SHROOM3: variants seen among roughly 807,000 people sequenced by gnomAD.
SHROOM3 encodes the protein protein Shroom3.
Under a neutral mutation model 138.6 loss-of-function variants are expected in SHROOM3, and 47 were observed. That is an observed-to-expected ratio of 0.34 (90% CI 0.27 to 0.43). The LOEUF (loss-of-function observed/expected upper bound fraction) is 0.43, where lower values mean the gene tolerates loss of function less well. Ranked by LOEUF, SHROOM3 falls within the 20% of genes least tolerant of loss-of-function variation. The pLI, the probability that SHROOM3 is intolerant of heterozygous loss-of-function variation, is 1.00. For synonymous variants in SHROOM3, 1,062 were observed against 1,063.3 expected, an observed-to-expected ratio of 1.00 and a Z score of 0.02; for missense variants, 2,491 against 2,596.5, an observed-to-expected ratio of 0.96 and a Z score of 0.88.
chr4:76,489,055 A>G (rs1441692413), intron 1 of SHROOM3, among the ~76,000 whole-genome samples: 4 of 152,206 alleles, frequency 2.6e-5, no homozygotes, highest in Admixed American at 2.0e-4. Flanking sequence ...TGGAGGAAGC[A>G]GGCAGGGCAG....
At chr4:76,775,741 CTA>C (rs151230134) in intron 10 of SHROOM3, among the ~76,000 whole-genome samples, 1,672 of 150,572 alleles carry the variant, frequency 0.011, 23 homozygotes, top group African/African-American at 0.034. Context: ...TATACACATA[CTA>C]TATATATACA....
chr4:76,589,200 G>A (rs1298575315), intron 2 of SHROOM3, among the ~76,000 whole-genome samples: 2 of 152,248 alleles, frequency 1.3e-5, no homozygotes, highest in Non-Finnish European at 2.9e-5. Flanking sequence ...GGGTGCGGTG[G>A]CTGACGCCTG....
chr4:76,749,303 G>C (rs961096856), intron 6 of SHROOM3, among the ~76,000 whole-genome samples: 1 of 152,110 alleles, frequency 6.6e-6, no homozygotes, highest in Non-Finnish European at 1.5e-5. Flanking sequence ...TGTTACATAT[G>C]TATACATGTG....
chr4:76,624,641 G>T lies in SHROOM3; in HGVS notation c.323+68878G>T, dbSNP rs1577927434. Reference sequence around the variant, plus strand: ...CGTTTTTAAAAAGAGTGGTTATCGTGGTGTTTTTAAAGTGGGACTGTGCCT... The same window carrying T: ...CGTTTTTAAAAAGAGTGGTTATCGTTGTGTTTTTAAAGTGGGACTGTGCCT... On this transcript the variant is annotated intron_variant, in intron 2 of 10. Coordinates refer to ENST00000296043, the MANE Select transcript of SHROOM3 (RefSeq NM_020859.4). Among the ~76,000 whole-genome samples, 4 of 152,182 alleles carry T rather than the reference G, an allele frequency of 2.6e-5. No homozygotes were observed. In the Middle Eastern group the frequency reaches 0.01, roughly 388 times the overall value.
chr4:76,548,497 TG>T lies in SHROOM3; in HGVS notation c.169-7111del, dbSNP rs376359237. Among the ~76,000 whole-genome samples, 49 of 152,342 alleles carry T rather than the reference TG, an allele frequency of 3.2e-4. 1 individual carries two copies. Among genetic ancestry groups the T allele is most frequent in the African/African-American group, 9.9e-4 (41 of 41,578 alleles). ...TGTGCCTCAAAGCACCACGTCAAGC[TG>T]TGACATAGGCATCCACCACTCTTCC... is the stretch of plus-strand genomic sequence containing the variant. On this transcript the variant is annotated intron_variant, in intron 1 of 10. Coordinates refer to ENST00000296043, the MANE Select transcript of SHROOM3 (RefSeq NM_020859.4).
chr4:76,515,098 C>T (rs1319188306), intron 1 of SHROOM3, among the ~76,000 whole-genome samples: 1 of 151,880 alleles, frequency 6.6e-6, no homozygotes, highest in Non-Finnish European at 1.5e-5. Flanking sequence ...GCCTGTAATC[C>T]CAGCTACTTG....
At chr4:76,772,103 C>CTTT (rs35590411) in intron 10 of SHROOM3, among the ~76,000 whole-genome samples, 2 of 125,138 alleles carry the variant, frequency 1.6e-5, no homozygotes, top group Non-Finnish European at 3.3e-5. Context: ...TTTTCTTTTT[C>CTTT]TTTTTTTTTT....
At chr4:76,504,607 T>C (rs544625630) in intron 1 of SHROOM3, among the ~76,000 whole-genome samples, 2 of 152,384 alleles carry the variant, frequency 1.3e-5, no homozygotes, top group Admixed American at 1.3e-4. Context: ...CTTTTAAATA[T>C]AGATTGCCCT....
Position 76,524,438 on chromosome 4 carries a change from G to T in SHROOM3, c.169-31171G>T, listed in dbSNP as rs531232882. Among the ~76,000 whole-genome samples the T allele has an allele frequency of 2.6e-5, 4 of 152,350 alleles. No homozygotes were observed. The South Asian group carries it at 8.3e-4, about 32-fold the overall frequency. ...GGAAGACTGACTGGGGTGGACAGGA[G>T]AAAGGAAGAGAGTGAGCCCAAAGGA... On this transcript the variant is annotated intron_variant, in intron 1 of 10. Transcript: ENST00000296043.
chr4:76,736,038 T>C (rs1038713410), intron 4 of SHROOM3, among the ~76,000 whole-genome samples: 17 of 151,586 alleles, frequency 1.1e-4, no homozygotes, highest in African/African-American at 3.9e-4. Context: ...TTCTCAGCAG[T>C]TGGGAGGAGG....
At chr4:76,723,707 C>G (rs973838) in intron 3 of SHROOM3, among the ~76,000 whole-genome samples, 19,751 of 152,178 alleles carry the variant, frequency 0.13, 1,555 homozygotes, top group East Asian at 0.21. Context: ...CTGCTCACTA[C>G]ATTTGTGACA....
At chr4:76,700,652 A>G (rs920518923) in intron 2 of SHROOM3, among the ~76,000 whole-genome samples, 1 of 152,130 alleles carries the variant, frequency 6.6e-6, no homozygotes, top group Non-Finnish European at 1.5e-5. Flanking sequence ...GCCTAATCCA[A>G]TGTGTGGCCT....
chr4:76,610,540 G>A (rs867916399), intron 2 of SHROOM3, among the ~76,000 whole-genome samples: 21 of 152,192 alleles, frequency 1.4e-4, no homozygotes, highest in African/African-American at 2.4e-4. Flanking sequence ...GCATCCCCTC[G>A]TCTTCCGCTG....
At chr4:76,539,229 A>C (rs148927093) in intron 1 of SHROOM3, among the ~76,000 whole-genome samples, 1 of 152,308 alleles carries the variant, frequency 6.6e-6, no homozygotes, top group East Asian at 1.9e-4. Flanking sequence ...CAGAGATGTT[A>C]GTTCTCTTTC....
chr4:76,608,559 GCATAGCATAGCATAGCATAGCA>G (rs1734674514), intron 2 of SHROOM3, among the ~76,000 whole-genome samples: 1 of 102,488 alleles, frequency 9.8e-6, no homozygotes, highest in South Asian at 3.7e-4. Flanking sequence ...GCATAGCATA[GCATAGCATAGCATAGCATAGCA>G]TAGCATAGCA....
In SHROOM3 at chr4:76,731,221, G is replaced by A. The variant is rs907543608; in HGVS notation, c.587+286G>A. On this transcript the variant is annotated intron_variant, in intron 4 of 10. Coordinates refer to ENST00000296043, the MANE Select transcript of SHROOM3 (RefSeq NM_020859.4). ...ATTCTCAGACATTTCTCCACTGATA[G>A]CACTATATTAGAAAAATTGAGATTT... is the stretch of plus-strand genomic sequence containing the variant. Among the ~76,000 whole-genome samples the A allele has an allele frequency of 5.3e-4, 80 of 152,138 alleles. 3 individuals carry two copies. The highest frequency in any genetic ancestry group is 1.5e-5 in the Non-Finnish European group (1 of 68,018).
Position 76,703,271 on chromosome 4 carries a change from A to G in SHROOM3, c.324-6885A>G, listed in dbSNP as rs1719953785. On this transcript the variant is annotated intron_variant, in intron 2 of 10. Transcript: ENST00000296043. ...AAACACTAGATAGGATACAGGCCTG[A>G]GGGCATGCAGAGGGAGCTTCCTAGA... 2.6e-5 allele frequency among the ~76,000 whole-genome samples: 4 copies of G among 152,174 alleles called. No homozygotes were observed. In the South Asian group the frequency reaches 8.3e-4, roughly 32 times the overall value.
rs529335127 is a variant in SHROOM3, at chr4:76,610,747, G to A, written c.323+54984G>A. 7.9e-4 allele frequency among the ~76,000 whole-genome samples: 121 copies of A among 152,214 alleles called. 1 individual carries two copies. Among genetic ancestry groups the A allele is most frequent in the Middle Eastern group, 3.4e-3 (1 of 294 alleles). On this transcript the variant is annotated intron_variant, in intron 2 of 10. Transcript: ENST00000296043. ...GGCATCCGTGTAGAGGGATCCTGCC[G>A]TTACCCCTCTCCAGATCTTAAGGTT...
At chr4:76,554,249 C>T (rs1166223571) in intron 1 of SHROOM3, among the ~76,000 whole-genome samples, 1 of 151,840 alleles carries the variant, frequency 6.6e-6, no homozygotes, top group Non-Finnish European at 1.5e-5. Context: ...TAGAAATATG[C>T]ATTTTAAGTT....
Sources: gnomAD v4.1 joint callset for allele counts (sites outside exome capture counted in the v4.1 genomes callset) on GRCh38, gnomAD v4.1.1 for gene constraint, MANE v1.5 for transcripts, NCBI Gene and HGNC (gene_info 2026-07-23, HGNC 2026-07-21) for gene names.